The following TTLL11 variants were observed in gnomAD, a reference collection of about 807,000 sequenced individuals.
TTLL11 encodes the protein tubulin tyrosine ligase like 11, also known as tubulin polyglutamylase TTLL11.
Under a neutral mutation model 51.7 loss-of-function variants are expected in TTLL11, and 42 were observed. The observed-to-expected ratio is 0.81, with a 90% CI of 0.64 to 1.05. The LOEUF (loss-of-function observed/expected upper bound fraction) is 1.05. Among genes scored for constraint, TTLL11 ranks in the 50% least tolerant of loss-of-function variants. The pLI is 0.00. For synonymous variants in TTLL11, 381 were observed against 383.5 expected (o/e 0.99, Z 0.08); for missense variants, 799 against 940.4 (o/e 0.85, Z 1.97).
intron 8 of TTLL11, among the ~76,000 whole-genome samples, chr9:121,843,124 GCAGTAGTTCAAGAC>G (rs1374301567): frequency 6.6e-6 from 1 of 151,818 alleles, no homozygotes; most frequent in Admixed American, 6.6e-5. Context: ...TCCCTTGAGC[GCAGTAGTTCAAGAC>G]CAGCCTCAGC....
chr9:121,853,070 C>T lies in TTLL11; in HGVS notation c.1840+7267G>A, dbSNP rs7869719. Among the ~76,000 whole-genome samples, 2,470 of 152,326 alleles carry T rather than the reference C, an allele frequency of 0.016. 75 individuals are homozygous for T. Among genetic ancestry groups the T allele is most frequent in the African/African-American group, 0.056 (2,347 of 41,564 alleles). On this transcript the variant is annotated intron_variant, in intron 8 of 8. Transcript: ENST00000321582. This position sits in a 1 kb window ranked among gnomAD's most constrained non-coding sequence, Gnocchi z 5.6. Reference sequence around the variant, plus strand: ...AATACATTTCAGCTGGGGCTTACTCCAGCCGATGTGAGCAGAGGCGTCAGA... The same window carrying T: ...AATACATTTCAGCTGGGGCTTACTCTAGCCGATGTGAGCAGAGGCGTCAGA...
At chr9:122,056,700 A>G (rs1490121287) in intron 1 of TTLL11, among the ~76,000 whole-genome samples, 1 of 152,200 alleles carries the variant, frequency 6.6e-6, no homozygotes, top group Non-Finnish European at 1.5e-5. Context: ...GGAGCTCTCC[A>G]GAGTGCTGAA....
At chr9:121,988,996 T>G in intron 4 of TTLL11, 199 bp downstream of exon 4, 1 of 1,319,376 alleles carries the variant, frequency 7.6e-7, no homozygotes, top group Non-Finnish European at 1.0e-6. Flanking sequence ...AGAGGGGAAG[T>G]AGCTTGCCCC....
intron 3 of TTLL11, among the ~76,000 whole-genome samples, chr9:122,022,218 T>A (rs1241289763): frequency 6.6e-6 from 1 of 151,916 alleles, no homozygotes; most frequent in Non-Finnish European, 1.5e-5. Flanking sequence ...TCTGAAGAAA[T>A]AATGGGCAAA....
chr9:121,941,907 G>T (rs1215371095), intron 6 of TTLL11, among the ~76,000 whole-genome samples: 1 of 151,934 alleles, frequency 6.6e-6, no homozygotes, highest in Non-Finnish European at 1.5e-5. Flanking sequence ...TGCCACCCCT[G>T]CCTCCAAACA....
intron 3 of TTLL11, among the ~76,000 whole-genome samples, chr9:122,011,451 T>C (rs889180297): frequency 6.6e-6 from 1 of 152,186 alleles, no homozygotes; most frequent in African/African-American, 2.4e-5. Context: ...ATGTGATGTA[T>C]GCCCCATAAC....
chr9:122,088,394 C>A (rs1040690677), intron 1 of TTLL11, among the ~76,000 whole-genome samples: 28 of 152,218 alleles, frequency 1.8e-4, no homozygotes, highest in African/African-American at 6.5e-4. Flanking sequence ...CTGTTCACAT[C>A]TACATCTGCG....
intron 6 of TTLL11, among the ~76,000 whole-genome samples, chr9:121,936,860 A>T (rs1841247450): frequency 6.6e-6 from 1 of 152,218 alleles, no homozygotes; most frequent in Non-Finnish European, 1.5e-5. Context: ...GGCTTTTAAA[A>T]CATAACAATA....
chr9:121,973,694 G>C (rs1212745281), intron 6 of TTLL11, among the ~76,000 whole-genome samples: 1 of 152,044 alleles, frequency 6.6e-6, no homozygotes, highest in Non-Finnish European at 1.5e-5. Flanking sequence ...GTATACATAT[G>C]TAACAAACCT....
At chr9:121,825,420 G>C (rs972624128) in intron 8 of TTLL11, among the ~76,000 whole-genome samples, 2 of 152,134 alleles carry the variant, frequency 1.3e-5, no homozygotes, top group African/African-American at 4.8e-5. Flanking sequence ...AAGGCGCTTG[G>C]GCCAGAATGT....
At chr9:122,058,692 G>A (rs1413499255) in intron 1 of TTLL11, among the ~76,000 whole-genome samples, 1 of 152,198 alleles carries the variant, frequency 6.6e-6, no homozygotes, top group Non-Finnish European at 1.5e-5. Flanking sequence ...TGAGCTATAA[G>A]TTCCAAATCT....
chr9:122,073,546 A>G (rs764731494), intron 1 of TTLL11, among the ~76,000 whole-genome samples: 4 of 152,224 alleles, frequency 2.6e-5, no homozygotes, highest in Non-Finnish European at 5.9e-5. Context: ...AAGGTGGGGA[A>G]GGAAGGAGCT....
intron 1 of TTLL11, among the ~76,000 whole-genome samples, chr9:122,087,559 A>G (rs1278403987): frequency 6.6e-6 from 1 of 152,160 alleles, no homozygotes; most frequent in Non-Finnish European, 1.5e-5. Flanking sequence ...TATTCAAACT[A>G]TCATCAACAA....
Position 122,061,794 on chromosome 9 carries a change from C to T in TTLL11, c.463-22426G>A, listed in dbSNP as rs185372596. On this transcript the variant is annotated intron_variant, in intron 1 of 8. Transcript: ENST00000321582. Reference sequence around the variant, plus strand: ...CTGGGACTATAGACACCCACCACCACGCCCTGCTAATTTTTGTATTTTTAG... The same window carrying T: ...CTGGGACTATAGACACCCACCACCATGCCCTGCTAATTTTTGTATTTTTAG... Among the ~76,000 whole-genome samples the T allele has an allele frequency of 1.8e-3, 277 of 152,152 alleles. 2 individuals carry two copies. The highest frequency in any genetic ancestry group is 6.1e-3 in the African/African-American group (253 of 41,522).
In TTLL11 at chr9:121,822,374, A is replaced by T; in HGVS notation, c.*213T>A. 2.3e-6 allele frequency: 1 copy of T among 432,882 alleles called. No individual in the cohort carries two copies. The highest frequency in any genetic ancestry group is 4.1e-6 in the Non-Finnish European group (1 of 244,356). 26.8% of individuals were successfully genotyped at this position (432,882 alleles called of 1,614,324 possible). A position where few individuals can be genotyped will look rare whatever the true frequency, so the allele number is the denominator to read the frequency against. ...GTCCGATGACTGATGACTCAGAAAC[A>T]GGGTGTATCACCAGGAGGTGTGAGG... On this transcript the variant is annotated 3_prime_UTR_variant, in exon 9 of 9. Coordinates refer to ENST00000321582, the MANE Select transcript of TTLL11 (RefSeq NM_001139442.2). The surrounding 1 kb of genome is among the most constrained non-coding windows in gnomAD (Gnocchi z 5.8).
intron 3 of TTLL11, among the ~76,000 whole-genome samples, chr9:121,994,642 A>C (rs1843203649): frequency 6.6e-6 from 1 of 152,216 alleles, no homozygotes; most frequent in Non-Finnish European, 1.5e-5. Context: ...ATGGAGGAAG[A>C]TCAGGCCTAG....
chr9:121,922,335 C>G (rs1469246660), intron 6 of TTLL11, among the ~76,000 whole-genome samples: 1 of 152,168 alleles, frequency 6.6e-6, no homozygotes, highest in Non-Finnish European at 1.5e-5. Context: ...TCATCTGTGG[C>G]CCTGGTGCCA....
intron 1 of TTLL11, among the ~76,000 whole-genome samples, chr9:122,048,638 T>C (rs1845080236): frequency 6.6e-6 from 1 of 152,136 alleles, no homozygotes; most frequent in South Asian, 2.1e-4. Context: ...GCCACTTAAC[T>C]CTTGGGCACT....
chr9:121,842,956 G>C (rs770480074), intron 8 of TTLL11, among the ~76,000 whole-genome samples: 9 of 152,138 alleles, frequency 5.9e-5, no homozygotes, highest in Non-Finnish European at 1.0e-4. Context: ...CTGGAGTACA[G>C]AGCTTAAATC....
Sources: allele counts gnomAD v4.1 joint callset (sites outside exome capture counted in the v4.1 genomes callset), GRCh38; gene constraint gnomAD v4.1.1; non-coding constraint Gnocchi (gnomAD v3.1); transcripts MANE v1.5; gene names NCBI Gene and HGNC (gene_info 2026-07-23, HGNC 2026-07-21).